Variants in MYSM1 observed in about 807,000 individuals in gnomAD.
The protein encoded by MYSM1 is deubiquitinase MYSM1.
In MYSM1, 51 loss-of-function variants were observed where a neutral mutation model predicts 116.0. That is an observed-to-expected ratio of 0.44 (90% CI 0.35 to 0.56). The LOEUF is 0.56. MYSM1 is among the 20% of genes least tolerant of loss of function. MYSM1 has a pLI of 0.00. For synonymous variants in MYSM1, 313 were observed against 315.2 expected (o/e 0.99, Z 0.07); for missense variants, 900 against 974.9 (o/e 0.92, Z 1.02).
intron 10 of MYSM1, 85 bp downstream of exon 10, chr1:58,675,392 T>C: frequency 1.1e-6 from 1 of 921,422 alleles, no homozygotes; most frequent in Non-Finnish European, 1.7e-6. Flanking sequence ...GGTCATTTAT[T>C]AAACAGCTCA....
In MYSM1 at chr1:58,656,791, C is replaced by T. The variant is rs915631406; in HGVS notation, c.*3206G>A. On this transcript the variant is annotated 3_prime_UTR_variant, in exon 20 of 20. Coordinates refer to ENST00000472487, the MANE Select transcript of MYSM1 (RefSeq NM_001085487.3). The stretch of plus-strand genomic sequence containing the variant: ...GCCAACTTATCCATTAGGCACAGTA[C>T]CTAAGGCCCACAGTTTTTTAGAAGC... 3 of 152,156 alleles carry T rather than the reference C, an allele frequency of 2.0e-5. No individual in the cohort carries two copies. Among genetic ancestry groups the T allele is most frequent in the African/African-American group, 7.2e-5 (3 of 41,424 alleles). The allele number at this position is 152,156 out of a possible 1,614,324, so 9.4% of individuals were successfully genotyped here.
At chr1:58,674,124 G>A (rs746484898) in intron 10 of MYSM1, among the ~76,000 whole-genome samples, 90 of 152,070 alleles carry the variant, frequency 5.9e-4, no homozygotes, top group Middle Eastern at 3.4e-3. Flanking sequence ...CCCACCTCCC[G>A]GTTCGAGTGA....
chr1:58,685,341 T>A (rs201352960), intron 6 of MYSM1, 90 bp from the exon 7 acceptor site: 7 of 690,976 alleles, frequency 1.0e-5, no homozygotes, highest in South Asian at 2.2e-5. Flanking sequence ...AAAAAAAACT[T>A]AAAAAAAAAT....
rs1644319021 is a variant in MYSM1 at position 58,656,363 on chromosome 1, G to GGTCTT, written c.*3629_*3633dup. The GGTCTT allele has an allele frequency of 6.6e-6, 1 of 152,150 alleles. No individual in the cohort carries two copies. The highest frequency in any genetic ancestry group is 1.5e-5 in the Non-Finnish European group (1 of 68,046). 9.4% of individuals were successfully genotyped at this position (152,150 alleles called of 1,614,324 possible). On this transcript the variant is annotated 3_prime_UTR_variant, in exon 20 of 20. Coordinates refer to ENST00000472487, the MANE Select transcript of MYSM1 (RefSeq NM_001085487.3). ...GCTTTCAACAAATAATAGAAAGAAGGGTCTTGTATTTATATGCTGAGAAGT... is the reference window on the plus strand; with the variant it reads ...GCTTTCAACAAATAATAGAAAGAAGGGTCTTGTCTTGTATTTATATGCTGAGAAGT...
At chr1:58,667,343 A>C (rs1644488987) in intron 15 of MYSM1, 117 bp from the exon 16 acceptor site, 1 of 695,606 alleles carries the variant, frequency 1.4e-6, no homozygotes, top group East Asian at 3.0e-5. Flanking sequence ...TTATTTAACA[A>C]TACCACAGTT....
At chr1:58,673,768 A>G (rs943013301) in intron 10 of MYSM1, 118 bp from the exon 11 acceptor site, 5 of 833,144 alleles carry the variant, frequency 6.0e-6, no homozygotes, top group African/African-American at 1.7e-5. Context: ...TATCAATTTA[A>G]ATAGTATAAC....
At chr1:58,693,037 AC>A in intron 2 of MYSM1, 106 bp from the exon 3 acceptor site, 1 of 847,912 alleles carries the variant, frequency 1.2e-6, no homozygotes, top group Admixed American at 2.7e-5. Context: ...AATGACAGTC[AC>A]CATTTACTGA....
intron 16 of MYSM1, among the ~76,000 whole-genome samples, chr1:58,666,200 G>C (rs554068803): frequency 1.3e-5 from 2 of 152,188 alleles, no homozygotes; most frequent in African/African-American, 4.8e-5. Context: ...TACACAATCT[G>C]TATTTGCCAT....
chr1:58,675,700 C>T (rs1644640265), intron 9 of MYSM1, 120 bp from the exon 10 acceptor site: 2 of 671,878 alleles, frequency 3.0e-6, no homozygotes, highest in South Asian at 1.8e-5. Flanking sequence ...CACGATCATA[C>T]ATTTGATGTG....
chr1:58,673,474 A>T, intron 11 of MYSM1, 99 bp downstream of exon 11: 1 of 964,294 alleles, frequency 1.0e-6, no homozygotes, highest in Non-Finnish European at 1.6e-6. Context: ...CATACATGTT[A>T]ATGTATGAAA....
chr1:58,694,543 T>C (rs1305775407), intron 2 of MYSM1, among the ~76,000 whole-genome samples: 3 of 151,370 alleles, frequency 2.0e-5, no homozygotes, highest in Non-Finnish European at 4.4e-5. Flanking sequence ...ATCACTTGAA[T>C]GTGGGAGGCA....
chr1:58,695,310 A>ATT, intron 1 of MYSM1, 103 bp from the exon 2 acceptor site: 5 of 650,444 alleles, frequency 7.7e-6, no homozygotes, highest in Middle Eastern at 3.2e-4. Context: ...AACTAAGCAA[A>ATT]TACTTAGTTC....
chr1:58,697,002 C>T (rs1433064467), intron 1 of MYSM1, among the ~76,000 whole-genome samples: 1 of 151,962 alleles, frequency 6.6e-6, no homozygotes, highest in Non-Finnish European at 1.5e-5. Context: ...GCCAAGGAGA[C>T]GAGGAGCAGT....
intron 2 of MYSM1, 40 bp from the exon 3 acceptor site, chr1:58,692,971 C>T (rs1409449823): frequency 6.8e-7 from 1 of 1,480,252 alleles, no homozygotes; most frequent in Non-Finnish European, 9.2e-7. Flanking sequence ...TTATTTATTG[C>T]TTTTTGAAAT....
Position 58,657,045 on chromosome 1 carries a change from T to C in MYSM1, c.*2952A>G, listed in dbSNP as rs1210604923. The C allele has an allele frequency of 6.6e-6, 1 of 152,038 alleles. No homozygotes were observed. The highest frequency in any genetic ancestry group is 1.5e-5 in the Non-Finnish European group (1 of 68,020). The allele number at this position is 152,038 out of a possible 1,614,324, so 9.4% of individuals were successfully genotyped here. On this transcript the variant is annotated 3_prime_UTR_variant, in exon 20 of 20. Coordinates refer to ENST00000472487, the MANE Select transcript of MYSM1 (RefSeq NM_001085487.3). ...GTCAAACAAACTGTAACTGAAGCAA[T>C]GTAACTTGAACTGGAAACTGAAGAT...
chr1:58,685,745 A>T (rs970943272), intron 6 of MYSM1, among the ~76,000 whole-genome samples: 6 of 152,166 alleles, frequency 3.9e-5, no homozygotes, highest in Non-Finnish European at 7.3e-5. Context: ...CAGTGAACTG[A>T]CCTAAAAGAC....
chr1:58,686,113 T>TG (rs1278509442), intron 6 of MYSM1, among the ~76,000 whole-genome samples: 1 of 151,940 alleles, frequency 6.6e-6, no homozygotes, highest in Admixed American at 6.6e-5. Context: ...TTTGTAGAGA[T>TG]GGGGTCTCAC....
intron 10 of MYSM1, among the ~76,000 whole-genome samples, chr1:58,674,880 T>C (rs11207288): frequency 0.57 from 83,811 of 147,480 alleles, 23,973 homozygotes; most frequent in East Asian, 0.64. Flanking sequence ...TGAGCCGAGA[T>C]GGCACCACCA....
intron 16 of MYSM1, 97 bp downstream of exon 16, chr1:58,666,941 G>A: frequency 4.0e-6 from 2 of 499,502 alleles, no homozygotes; most frequent in Non-Finnish European, 6.6e-6. Flanking sequence ...AAGAATATTA[G>A]AAATGTAATA....
Sources: allele counts gnomAD v4.1 joint callset (sites outside exome capture counted in the v4.1 genomes callset), GRCh38; gene constraint gnomAD v4.1.1; transcripts MANE v1.5; gene names NCBI Gene and HGNC (gene_info 2026-07-23, HGNC 2026-07-21).